L3MBTL2: variants seen among roughly 807,000 people sequenced by gnomAD.
The protein encoded by L3MBTL2 is lethal(3)malignant brain tumor-like protein 2.
In L3MBTL2, 49 loss-of-function variants were observed where a neutral mutation model predicts 86.4. The observed-to-expected ratio is 0.57, with a 90% CI of 0.45 to 0.72. The LOEUF is 0.72. L3MBTL2 is among the 30% of genes least tolerant of loss of function. The pLI is 0.00. For synonymous variants in L3MBTL2, 336 were observed against 350.6 expected, an observed-to-expected ratio of 0.96 and a Z score of 0.47; for missense variants, 755 against 923.7, an observed-to-expected ratio of 0.82 and a Z score of 2.37.
chr22:41,223,389 A>G (rs909453337), intron 8 of L3MBTL2, among the ~76,000 whole-genome samples: 1 of 152,220 alleles, frequency 6.6e-6, no homozygotes, highest in Non-Finnish European at 1.5e-5. Flanking sequence ...CCCCAGCACC[A>G]TGGCTCTCTG....
rs772428229 is a variant in L3MBTL2, at chr22:41,225,988, G to T, written c.1504+47G>T. 6.2e-7 allele frequency: 1 copy of T among 1,601,676 alleles called. No homozygotes were observed. Among genetic ancestry groups the T allele is most frequent in the Non-Finnish European group, 8.5e-7 (1 of 1,174,012 alleles). ...CCTGCTGTCCTTGCCATCAGAAGGGGCAGGGTGTCCAGGCGCGGTGGCTCC... is the reference window on the plus strand; with the variant it reads ...CCTGCTGTCCTTGCCATCAGAAGGGTCAGGGTGTCCAGGCGCGGTGGCTCC... On this transcript the variant is annotated intron_variant, in intron 12 of 16. Transcript: ENST00000216237. The surrounding 1 kb of genome is among the most constrained non-coding windows in gnomAD (Gnocchi z 4.1).
intron 5 of L3MBTL2, chr22:41,218,917 T>A (rs2031600753): frequency 6.5e-6 from 1 of 154,226 alleles, no homozygotes; most frequent in Non-Finnish European, 1.4e-5. Context: ...TGAGCCACCA[T>A]GCCTGGCCCC....
chr22:41,212,592 TG>T (rs2030972842), intron 2 of L3MBTL2, among the ~76,000 whole-genome samples: 1 of 151,814 alleles, frequency 6.6e-6, no homozygotes, highest in Admixed American at 6.6e-5. Flanking sequence ...GCTCCCCAGG[TG>T]GGTCTAATAG....
chr22:41,214,265 G>T, intron 3 of L3MBTL2: 1 of 388,686 alleles, frequency 2.6e-6, no homozygotes, highest in Non-Finnish European at 4.7e-6. Context: ...GGTGTATTCA[G>T]TACATTTTAA....
At chr22:41,215,694 G>A (rs1221537395) in intron 3 of L3MBTL2, among the ~76,000 whole-genome samples, 2 of 152,050 alleles carry the variant, frequency 1.3e-5, no homozygotes, top group South Asian at 2.1e-4. Flanking sequence ...CCGAACATTC[G>A]CCTATGTGGA....
chr22:41,206,686 C>G (rs185923345), intron 1 of L3MBTL2, among the ~76,000 whole-genome samples: 181 of 152,094 alleles, frequency 1.2e-3, no homozygotes, highest in African/African-American at 4.0e-3. Context: ...GTAGTCCCAG[C>G]TACTCGGGAG....
Position 41,225,967 on chromosome 22 carries a change from C to A in L3MBTL2, c.1504+26C>A. ...GTAAGACTAGAGAGGCCACCACCTG[C>A]TGTCCTTGCCATCAGAAGGGGCAGG... On this transcript the variant is annotated intron_variant, in intron 12 of 16. Coordinates refer to ENST00000216237, the MANE Select transcript of L3MBTL2 (RefSeq NM_031488.5). This position sits in a 1 kb window ranked among gnomAD's most constrained non-coding sequence, Gnocchi z 4.1. 1 of 1,610,446 alleles carries A rather than the reference C, an allele frequency of 6.2e-7. No individual in the cohort carries two copies. Among genetic ancestry groups the A allele is most frequent in the Non-Finnish European group, 8.5e-7 (1 of 1,178,584 alleles).
intron 8 of L3MBTL2, among the ~76,000 whole-genome samples, chr22:41,221,862 C>T (rs1454857119): frequency 6.6e-6 from 1 of 151,134 alleles, no homozygotes; most frequent in East Asian, 2.0e-4. Flanking sequence ...CTCGGCCTCC[C>T]AAAGTGCTGG....
chr22:41,225,991 G>T lies in L3MBTL2; in HGVS notation c.1504+50G>T. 1 of 1,596,546 alleles carries T rather than the reference G, an allele frequency of 6.3e-7. No homozygotes were observed. On this transcript the variant is annotated intron_variant, in intron 12 of 16. Coordinates refer to ENST00000216237, the MANE Select transcript of L3MBTL2 (RefSeq NM_031488.5). This position sits in a 1 kb window ranked among gnomAD's most constrained non-coding sequence, Gnocchi z 4.1. ...GCTGTCCTTGCCATCAGAAGGGGCA[G>T]GGTGTCCAGGCGCGGTGGCTCCCGC...
At chr22:41,223,929 C>A in intron 8 of L3MBTL2, 91 bp from the exon 9 acceptor site, 1 of 1,021,338 alleles carries the variant, frequency 9.8e-7, no homozygotes, top group Non-Finnish European at 1.5e-6. Context: ...GGGATAACAC[C>A]ACACCTTCCC....
At chr22:41,216,300 G>A in intron 4 of L3MBTL2, 38 bp downstream of exon 4, 1 of 1,599,444 alleles carries the variant, frequency 6.3e-7, no homozygotes. Context: ...AAGCTGCCGT[G>A]GCTGGGGAGG....
At position 41,224,484 on chromosome 22, in the gene L3MBTL2, CCT is replaced by C. The variant is rs2032048270; in HGVS notation, c.1174+234_1174+235del. Among the ~76,000 whole-genome samples, 1 of 152,184 alleles carries C rather than the reference CCT, an allele frequency of 6.6e-6. No homozygotes were observed. Among genetic ancestry groups the C allele is most frequent in the South Asian group, 2.1e-4 (1 of 4,834 alleles). On this transcript the variant is annotated intron_variant, in intron 9 of 16. Coordinates refer to ENST00000216237, the MANE Select transcript of L3MBTL2 (RefSeq NM_031488.5). The surrounding 1 kb of genome is among the most constrained non-coding windows in gnomAD (Gnocchi z 4.9). ...GATGCTACCAGCCCCGATCCTCTCCCCTGTCAATGCGGGAGCAGTCTGGGTTT... is the reference window on the plus strand; with the variant it reads ...GATGCTACCAGCCCCGATCCTCTCCCGTCAATGCGGGAGCAGTCTGGGTTT...
At chr22:41,216,446 G>C (rs17002350) in intron 4 of L3MBTL2, among the ~76,000 whole-genome samples, 184 bp downstream of exon 4, 4,167 of 152,244 alleles carry the variant, frequency 0.027, 198 homozygotes, top group African/African-American at 0.096. Flanking sequence ...CCAGAAAAAT[G>C]CCTTCAAACA....
At chr22:41,210,874 A>C (rs1296264224) in intron 2 of L3MBTL2, among the ~76,000 whole-genome samples, 1 of 152,224 alleles carries the variant, frequency 6.6e-6, no homozygotes, top group Non-Finnish European at 1.5e-5. Flanking sequence ...GTATAAGTAT[A>C]CCATGGATTT....
At position 41,224,636 on chromosome 22, in the gene L3MBTL2, C is replaced by T; in HGVS notation, c.1175-89C>T. On this transcript the variant is annotated intron_variant, in intron 9 of 16. Coordinates refer to ENST00000216237, the MANE Select transcript of L3MBTL2 (RefSeq NM_031488.5). The surrounding 1 kb of genome is among the most constrained non-coding windows in gnomAD (Gnocchi z 4.9). ...AGCTGAGAACACGTGCAGAGCAGCC[C>T]CACATTCCCAGGGGAGGCGTGTGGA... 1 of 944,670 alleles carries T rather than the reference C, an allele frequency of 1.1e-6. No individual in the cohort carries two copies. The highest frequency in any genetic ancestry group is 1.4e-5 in the South Asian group (1 of 73,136). The allele number at this position is 944,670 out of a possible 1,614,324, so 58.5% of individuals were successfully genotyped here.
intron 15 of L3MBTL2, among the ~76,000 whole-genome samples, chr22:41,228,853 A>AC (rs67011133): frequency 0.06 from 6,217 of 102,832 alleles, 210 homozygotes; most frequent in Admixed American, 0.13. Context: ...CCATCGCACA[A>AC]AAAAAAAAAA....
Position 41,217,105 on chromosome 22 carries a change from G to A in L3MBTL2, c.521-18G>A, listed in dbSNP as rs754897445. 16 of 1,610,048 alleles carry A rather than the reference G, an allele frequency of 9.9e-6. No individual in the cohort carries two copies. The highest frequency in any genetic ancestry group is 8.9e-5 in the East Asian group (4 of 44,862). On this transcript the variant is annotated intron_variant, in intron 4 of 16. Transcript: ENST00000216237. Reference sequence around the variant, plus strand: ...GCTGCGCAGGCTCCTAGTCTGACTCGTCCTCTCTGCTCTGCAGCTCTGGTC... The same window carrying A: ...GCTGCGCAGGCTCCTAGTCTGACTCATCCTCTCTGCTCTGCAGCTCTGGTC...
rs927219428 is a variant in L3MBTL2, at chr22:41,225,271, G to A, written c.1356+200G>A. On this transcript the variant is annotated intron_variant, in intron 11 of 16. Coordinates refer to ENST00000216237, the MANE Select transcript of L3MBTL2 (RefSeq NM_031488.5). This position sits in a 1 kb window ranked among gnomAD's most constrained non-coding sequence, Gnocchi z 4.1. ...AATCTGCTTTCGTGTCAGGGTCCAA[G>A]GCTCCCTGGACGAGTGCTTATTCAA... Among the ~76,000 whole-genome samples, 2 of 152,202 alleles carry A rather than the reference G, an allele frequency of 1.3e-5. No individual in the cohort carries two copies. The highest frequency in any genetic ancestry group is 4.8e-5 in the African/African-American group (2 of 41,458).
chr22:41,219,404 C>G lies in L3MBTL2; in HGVS notation c.601-15C>G, dbSNP rs2031652697. On this transcript the variant is annotated splice_polypyrimidine_tract_variant and intron_variant, in intron 5 of 16. Coordinates refer to ENST00000216237, the MANE Select transcript of L3MBTL2 (RefSeq NM_031488.5). ...AGTTAGCTCACTCTCTCGGTACACT[C>G]TCATCGCCACACAGGTCCCACTCTA... 1 of 1,584,596 alleles carries G rather than the reference C, an allele frequency of 6.3e-7. No individual in the cohort carries two copies. Among genetic ancestry groups the G allele is most frequent in the Admixed American group, 1.7e-5 (1 of 59,938 alleles).
Sources: allele counts gnomAD v4.1 joint callset (sites outside exome capture counted in the v4.1 genomes callset), GRCh38; gene constraint gnomAD v4.1.1; non-coding constraint Gnocchi (gnomAD v3.1); transcripts MANE v1.5; gene names NCBI Gene and HGNC (gene_info 2026-07-23, HGNC 2026-07-21).